TRAPPC9: variants seen among roughly 807,000 people sequenced by gnomAD.
The protein encoded by TRAPPC9 is IKK2 binding protein.
In TRAPPC9, 83 loss-of-function variants were observed where a neutral mutation model predicts 124.0. The observed-to-expected ratio is 0.67, with a 90% CI of 0.56 to 0.80. The LOEUF is 0.80. Ranked by LOEUF, TRAPPC9 falls within the 30% of genes least tolerant of loss-of-function variation. TRAPPC9 has a pLI of 0.00. For missense variants in TRAPPC9, 1,302 were observed against 1,508.3 expected (o/e 0.86, Z 2.27); for synonymous variants, 638 against 617.5 (o/e 1.03, Z -0.49).
At chr8:139,917,188 T>TTTTTTTTTTTTTA in intron 19 of TRAPPC9, among the ~76,000 whole-genome samples, 1 of 146,898 alleles carries the variant, frequency 6.8e-6, no homozygotes, top group Non-Finnish European at 1.5e-5. Context: ...TTTTTTTTTT[T>TTTTTTTTTTTTTA]GTTGAGACGG....
chr8:140,084,614 C>G (rs564447005), intron 17 of TRAPPC9, among the ~76,000 whole-genome samples: 9 of 152,326 alleles, frequency 5.9e-5, no homozygotes, highest in African/African-American at 2.2e-4. Flanking sequence ...TTCTTCTGCC[C>G]AAGAACCGCC....
chr8:140,026,324 G>A (rs989305323), intron 17 of TRAPPC9, among the ~76,000 whole-genome samples: 1 of 152,158 alleles, frequency 6.6e-6, no homozygotes, highest in Non-Finnish European at 1.5e-5. Context: ...CCGAGACCCT[G>A]CTTTCGGTTC....
At chr8:140,254,655 C>T (rs1453090639) in intron 15 of TRAPPC9, among the ~76,000 whole-genome samples, 2 of 152,180 alleles carry the variant, frequency 1.3e-5, no homozygotes, top group Non-Finnish European at 2.9e-5. Flanking sequence ...CTCCTGGTGC[C>T]CCTCCAGCCT....
chr8:140,187,253 A>G (rs1212381903), intron 17 of TRAPPC9, among the ~76,000 whole-genome samples: 1 of 152,222 alleles, frequency 6.6e-6, no homozygotes, highest in Admixed American at 6.5e-5. Context: ...CAGGTTCTGC[A>G]AGGCCAACTA....
At chr8:140,349,813 A>G (rs776871355) in intron 9 of TRAPPC9, among the ~76,000 whole-genome samples, 9 of 152,192 alleles carry the variant, frequency 5.9e-5, no homozygotes, top group Non-Finnish European at 1.2e-4. Flanking sequence ...GAAGGTGAAG[A>G]AGACCTGATG....
At chr8:140,457,020 A>G (rs2071692730) in intron 1 of TRAPPC9, among the ~76,000 whole-genome samples, 1 of 152,216 alleles carries the variant, frequency 6.6e-6, no homozygotes, top group Non-Finnish European at 1.5e-5. Flanking sequence ...GTTGGAGTTG[A>G]CAGCGCGCTT....
At chr8:140,426,539 A>T in intron 5 of TRAPPC9, 76 bp downstream of exon 5, 1 of 1,360,926 alleles carries the variant, frequency 7.3e-7, no homozygotes, top group Non-Finnish European at 1.0e-6. Context: ...CAGAAATTTT[A>T]ACCATTCATT....
chr8:139,804,084 G>GCAC (rs1288901982), intron 21 of TRAPPC9, among the ~76,000 whole-genome samples: 1 of 130,374 alleles, frequency 7.7e-6, no homozygotes, highest in Non-Finnish European at 1.7e-5. Flanking sequence ...CCACCACGAC[G>GCAC]CACCACCACC....
chr8:140,450,523 C>T lies in TRAPPC9; in HGVS notation c.584+267G>A, dbSNP rs149454104. On this transcript the variant is annotated intron_variant, in intron 2 of 22. Coordinates refer to ENST00000438773, the MANE Select transcript of TRAPPC9 (RefSeq NM_001160372.4). ...ATGGGACAGAGCTCCAGGAGTCCCACGAGGGGAGCCCCACTAAAAAGAGGG... is the reference window on the plus strand; with the variant it reads ...ATGGGACAGAGCTCCAGGAGTCCCATGAGGGGAGCCCCACTAAAAAGAGGG... Among the ~76,000 whole-genome samples, 13 of 152,222 alleles carry T rather than the reference C, an allele frequency of 8.5e-5. No homozygotes were observed. The South Asian group carries it at 1.7e-3, about 19-fold the overall frequency.
Position 139,925,758 on chromosome 8 carries a change from A to AT in TRAPPC9, c.2811-15459_2811-15458insA, listed in dbSNP as rs551302080. ...ATGAGACTCCATCTTAAAAAAAAAAAAAAAAAGAAAGCCTCAGAAAACAGA... is the reference window on the plus strand; with the variant it reads ...ATGAGACTCCATCTTAAAAAAAAAAATAAAAAAGAAAGCCTCAGAAAACAGA... On this transcript the variant is annotated intron_variant, in intron 19 of 22. Transcript: ENST00000438773. Among the ~76,000 whole-genome samples, 8 of 152,006 alleles carry AT rather than the reference A, an allele frequency of 5.3e-5. No homozygotes were observed. The South Asian group carries it at 1.5e-3, about 28-fold the overall frequency.
chr8:140,161,527 T>C (rs1270559923), intron 17 of TRAPPC9, among the ~76,000 whole-genome samples: 2 of 152,100 alleles, frequency 1.3e-5, no homozygotes, highest in Non-Finnish European at 2.9e-5. Context: ...CTTATCCACA[T>C]AGCCTGAAGG....
chr8:140,270,364 A>T (rs894639191), intron 15 of TRAPPC9, among the ~76,000 whole-genome samples: 4 of 152,218 alleles, frequency 2.6e-5, no homozygotes, highest in Non-Finnish European at 5.9e-5. Flanking sequence ...AGCCAACAGG[A>T]GAGAAAGGCA....
chr8:140,084,183 G>A (rs959462208), intron 17 of TRAPPC9, among the ~76,000 whole-genome samples: 28 of 152,068 alleles, frequency 1.8e-4, no homozygotes, highest in African/African-American at 6.8e-4. Context: ...ATTGAGGCTG[G>A]GCAGTGGAAC....
At chr8:140,434,331 G>T (rs547693467) in intron 4 of TRAPPC9, among the ~76,000 whole-genome samples, 1 of 152,140 alleles carries the variant, frequency 6.6e-6, no homozygotes, top group Non-Finnish European at 1.5e-5. Flanking sequence ...GGACCAAAAC[G>T]TTCATGTTCA....
intron 17 of TRAPPC9, among the ~76,000 whole-genome samples, chr8:140,047,774 G>A (rs112261972): frequency 2.4e-4 from 37 of 152,356 alleles, no homozygotes; most frequent in Non-Finnish European, 4.6e-4. Flanking sequence ...ACATGAGCCC[G>A]GGCTGGCTGG....
rs1337018210 is a variant in TRAPPC9 at position 140,097,644 on chromosome 8, G to GCCCAGCTGGATCTTGGGGTGCACAGC, written c.2557-73591_2557-73566dup. The GCCCAGCTGGATCTTGGGGTGCACAGC allele has an allele frequency of 2.0e-5, 3 of 152,282 alleles. No individual in the cohort carries two copies. Among genetic ancestry groups the GCCCAGCTGGATCTTGGGGTGCACAGC allele is most frequent in the African/African-American group, 7.2e-5 (3 of 41,446 alleles). 9.4% of individuals were successfully genotyped at this position (152,282 alleles called of 1,614,324 possible). ...GTGCCACAGTCGGCAGGATAAGAAT[G>GCCCAGCTGGATCTTGGGGTGCACAGC]CCCAGCTGGATCTTGGGGTGCACAG... On this transcript the variant is annotated intron_variant, in intron 17 of 22. Transcript: ENST00000438773. This position sits in a 1 kb window ranked among gnomAD's most constrained non-coding sequence, Gnocchi z 4.2.
At chr8:140,271,317 A>G (rs1438566569) in intron 15 of TRAPPC9, among the ~76,000 whole-genome samples, 1 of 152,248 alleles carries the variant, frequency 6.6e-6, no homozygotes, top group East Asian at 1.9e-4. Context: ...AAGTTTTTAA[A>G]ATAAGACACA....
At chr8:139,999,843 A>G (rs1434121242) in intron 18 of TRAPPC9, among the ~76,000 whole-genome samples, 2 of 152,250 alleles carry the variant, frequency 1.3e-5, no homozygotes, top group African/African-American at 4.8e-5. Context: ...AAGCCCCAAG[A>G]GAAATAAAAT....
At chr8:140,027,402 C>T (rs1048917633) in intron 17 of TRAPPC9, among the ~76,000 whole-genome samples, 1 of 152,204 alleles carries the variant, frequency 6.6e-6, no homozygotes, top group Non-Finnish European at 1.5e-5. Flanking sequence ...AAATGTCACA[C>T]TGGCTTCTTG....
Sources: gnomAD v4.1 joint callset for allele counts (sites outside exome capture counted in the v4.1 genomes callset) on GRCh38, gnomAD v4.1.1 for gene constraint, Gnocchi (gnomAD v3.1) non-coding constraint, MANE v1.5 for transcripts, NCBI Gene and HGNC (gene_info 2026-07-23, HGNC 2026-07-21) for gene names.